The following VPS13D variants were observed in gnomAD, a reference collection of about 807,000 sequenced individuals.
VPS13D encodes the protein vacuolar protein sorting 13 homolog D.
VPS13D carries 187 observed loss-of-function variants against 461.9 expected under a neutral mutation model. The observed-to-expected ratio is 0.40, with a 90% CI of 0.36 to 0.46. VPS13D has a LOEUF of 0.46. Ranked by LOEUF, VPS13D falls within the 20% of genes least tolerant of loss-of-function variation. The probability of loss-of-function intolerance (pLI) is 0.60; values close to 1 mark genes in which losing one functional copy is unlikely to be tolerated. For synonymous variants in VPS13D, 1,951 were observed against 1,986.3 expected, an observed-to-expected ratio of 0.98 and a Z score of 0.47; for missense variants, 4,711 against 5,364.9, an observed-to-expected ratio of 0.88 and a Z score of 3.81.
chr1:12,416,954 C>G, intron 65 of VPS13D, 127 bp downstream of exon 65: 2 of 1,090,710 alleles, frequency 1.8e-6, no homozygotes, highest in East Asian at 5.6e-5. Context: ...TGCCCACATG[C>G]CTTGCCTTTT....
chr1:12,505,742 T>C lies in VPS13D; in HGVS notation c.12795-1111T>C, dbSNP rs1463912111. On this transcript the variant is annotated intron_variant, in intron 68 of 69. Coordinates refer to ENST00000620676, the MANE Select transcript of VPS13D (RefSeq NM_015378.4). The surrounding 1 kb of genome is among the most constrained non-coding windows in gnomAD (Gnocchi z 4.2). ...AGGAGGGGCTGGAGTATGTGGGGGA[T>C]GCTTCACAGAGAAGTTAGAACCTGT... is the stretch of plus-strand genomic sequence containing the variant. Among the ~76,000 whole-genome samples the C allele has an allele frequency of 6.6e-6, 1 of 152,182 alleles. No homozygotes were observed. The highest frequency in any genetic ancestry group is 1.5e-5 in the Non-Finnish European group (1 of 68,028).
chr1:12,398,121 G>A (rs1644522974), intron 60 of VPS13D, among the ~76,000 whole-genome samples: 1 of 152,218 alleles, frequency 6.6e-6, no homozygotes, highest in African/African-American at 2.4e-5. Flanking sequence ...GCTATATAGA[G>A]AATACATTGT....
chr1:12,466,132 T>TAA (rs200407006), intron 67 of VPS13D, among the ~76,000 whole-genome samples: 2 of 138,300 alleles, frequency 1.4e-5, no homozygotes, highest in Non-Finnish European at 1.6e-5. Context: ...AGACTCCATC[T>TAA]AAAAAAAAAA....
At chr1:12,331,711 T>TA (rs757913489) in intron 37 of VPS13D, among the ~76,000 whole-genome samples, 9,370 of 106,016 alleles carry the variant, frequency 0.088, 499 homozygotes, top group Non-Finnish European at 0.11. Context: ...GACTCTGTCT[T>TA]AAAAAAAAAA....
Position 12,354,625 on chromosome 1 carries a change from A to G in VPS13D, c.9679+404A>G, listed in dbSNP as rs147083530. Among the ~76,000 whole-genome samples the G allele has an allele frequency of 2.2e-3, 328 of 152,312 alleles. 2 individuals are homozygous for G. Among genetic ancestry groups the G allele is most frequent in the African/African-American group, 7.4e-3 (308 of 41,574 alleles). On this transcript the variant is annotated intron_variant, in intron 47 of 69. Coordinates refer to ENST00000620676, the MANE Select transcript of VPS13D (RefSeq NM_015378.4). ...GGCACTCAACAGAGCCTTTTTTCTT[A>G]CATTGCTACATGATGTATGATTGTA...
chr1:12,340,436 G>A (rs1156709578), intron 40 of VPS13D, among the ~76,000 whole-genome samples: 1 of 152,142 alleles, frequency 6.6e-6, no homozygotes. Context: ...ATTGTTTACA[G>A]TACTAACCTT....
intron 16 of VPS13D, among the ~76,000 whole-genome samples, chr1:12,270,745 T>G (rs1321574040): frequency 6.6e-6 from 1 of 152,128 alleles, no homozygotes; most frequent in East Asian, 1.9e-4. Flanking sequence ...GACAGGGTCT[T>G]GCTCTGTCAC....
chr1:12,318,533 CG>C (rs1237887033), intron 31 of VPS13D, among the ~76,000 whole-genome samples, 196 bp downstream of exon 31: 1 of 152,166 alleles, frequency 6.6e-6, no homozygotes, highest in Non-Finnish European at 1.5e-5. Flanking sequence ...CTGAAGACTG[CG>C]GGGTCGCTTG....
chr1:12,325,138 C>T (rs1040947182), intron 35 of VPS13D, among the ~76,000 whole-genome samples: 4 of 152,126 alleles, frequency 2.6e-5, no homozygotes, highest in Non-Finnish European at 4.4e-5. Flanking sequence ...GGCTGGAATG[C>T]AATCATAGCT....
chr1:12,411,506 A>C (rs1644727933), intron 63 of VPS13D, among the ~76,000 whole-genome samples: 1 of 131,386 alleles, frequency 7.6e-6, no homozygotes, highest in Non-Finnish European at 1.6e-5. Context: ...GGAGGGATAG[A>C]GAGAAGGGGG....
chr1:12,342,728 G>A (rs959318755), intron 41 of VPS13D, 171 bp from the exon 42 acceptor site: 25 of 602,984 alleles, frequency 4.1e-5, no homozygotes, highest in African/African-American at 2.2e-4. Flanking sequence ...GATTCAGCAC[G>A]AAGATAGCTA....
chr1:12,266,528 A>G (rs1641273860), intron 13 of VPS13D, among the ~76,000 whole-genome samples: 1 of 152,242 alleles, frequency 6.6e-6, no homozygotes, highest in African/African-American at 2.4e-5. Flanking sequence ...CTTTCTAGCA[A>G]TAAAATATTT....
chr1:12,261,184 A>G (rs1267609851), intron 12 of VPS13D, 35 bp downstream of exon 12: 1 of 1,609,142 alleles, frequency 6.2e-7, no homozygotes, highest in Non-Finnish European at 8.5e-7. Flanking sequence ...TGATTCAAAC[A>G]AATTCGTCTG....
intron 68 of VPS13D, among the ~76,000 whole-genome samples, chr1:12,504,160 AAAAATT>A (rs1480174232): frequency 5.3e-5 from 8 of 152,184 alleles, no homozygotes; most frequent in African/African-American, 1.4e-4. Context: ...AAGAAAAAGA[AAAAATT>A]AAAATTAATA....
At chr1:12,463,782 A>T (rs1645443718) in intron 67 of VPS13D, among the ~76,000 whole-genome samples, 1 of 152,172 alleles carries the variant, frequency 6.6e-6, no homozygotes. Flanking sequence ...GATCTGGAAA[A>T]CAACAGGCCA....
chr1:12,245,553 A>C (rs933977420), intron 5 of VPS13D, among the ~76,000 whole-genome samples: 1 of 152,226 alleles, frequency 6.6e-6, no homozygotes, highest in East Asian at 1.9e-4. Context: ...CATTTTTATC[A>C]TCCCAACAGG....
intron 6 of VPS13D, among the ~76,000 whole-genome samples, chr1:12,251,649 A>G (rs1640736516): frequency 6.6e-6 from 1 of 152,124 alleles, no homozygotes; most frequent in Non-Finnish European, 1.5e-5. Context: ...TGAGACACTC[A>G]TAACTTTTTT....
rs377089760 is a variant in VPS13D, at chr1:12,247,394, G to A, written c.448-1829G>A. ...ATCACACCATTGCACTCCAGCCTGG[G>A]CGACAAAGCGAGACTCCATCTCAAA... On this transcript the variant is annotated intron_variant, in intron 5 of 69. Transcript: ENST00000620676. 1.1e-4 allele frequency among the ~76,000 whole-genome samples: 16 copies of A among 149,600 alleles called. No individual in the cohort carries two copies. In the South Asian group the frequency reaches 3.4e-3, roughly 32 times the overall value.
intron 58 of VPS13D, among the ~76,000 whole-genome samples, chr1:12,384,494 G>A (rs952651059): frequency 2.6e-5 from 4 of 152,148 alleles, no homozygotes; most frequent in African/African-American, 7.2e-5. Flanking sequence ...ACCCAGGGGA[G>A]AGATCTGTGA....
Sources: allele counts gnomAD v4.1 joint callset (sites outside exome capture counted in the v4.1 genomes callset), GRCh38; gene constraint gnomAD v4.1.1; non-coding constraint Gnocchi (gnomAD v3.1); transcripts MANE v1.5; gene names NCBI Gene and HGNC (gene_info 2026-07-23, HGNC 2026-07-21).